PLIN1: variants seen among roughly 807,000 people sequenced by gnomAD.
PLIN1 encodes the protein perilipin-1.
In PLIN1, 37 loss-of-function variants were observed where a neutral mutation model predicts 45.8. That is an observed-to-expected ratio of 0.81 (90% CI 0.62 to 1.06). The LOEUF (loss-of-function observed/expected upper bound fraction) is 1.06, where lower values mean the gene tolerates loss of function less well. Ranked by LOEUF, PLIN1 falls within the 50% of genes least tolerant of loss-of-function variation. PLIN1 has a pLI of 0.00. For missense variants in PLIN1, 776 were observed against 716.5 expected, an observed-to-expected ratio of 1.08 and a Z score of -0.95; for synonymous variants, 340 against 309.2, an observed-to-expected ratio of 1.10 and a Z score of -1.05.
chr15:89,676,076 C>A (rs963558530), intron 2 of PLIN1, among the ~76,000 whole-genome samples: 2 of 152,116 alleles, frequency 1.3e-5, no homozygotes, highest in Middle Eastern at 3.4e-3. Flanking sequence ...GGTCAGATTC[C>A]GATGCTCAGG....
Position 89,665,030 on chromosome 15 carries a change from A to G in PLIN1, c.*553T>C, listed in dbSNP as rs914036292. 1.4e-5 allele frequency: 6 copies of G among 429,918 alleles called. No individual in the cohort carries two copies. The highest frequency in any genetic ancestry group is 5.0e-5 in the South Asian group (3 of 59,908). 26.6% of individuals were successfully genotyped at this position (429,918 alleles called of 1,614,324 possible). A position where few individuals can be genotyped will look rare whatever the true frequency, so the allele number is the denominator to read the frequency against. On this transcript the variant is annotated 3_prime_UTR_variant, in exon 9 of 9. Coordinates refer to ENST00000300055, the MANE Select transcript of PLIN1 (RefSeq NM_002666.5). ...CACTAGTATTTTAAATAAACACCCA[A>G]GAGCTTTTGCATCTGATTGTTCCCT...
Position 89,670,182 on chromosome 15 carries a change from G to T in PLIN1, c.396C>A (p.Ser132Arg). Residue 132 changes from serine (S) to arginine (R), a missense_variant, in exon 5 of 9, where the codon AGC becomes AGA. Physicochemically the swap from Ser to Arg is moderately radical, Grantham distance 110 (BLOSUM62 -1). Transcript: ENST00000300055. ...TRLRSARNSI[S>R]VPIASTSDKV... is the part of the protein sequence containing the mutation. ...TGTCTGAAGTGCTCGCGATGGGAAC[G>T]CTGATGCTGTTTCTGGCACTGCGGA... The T allele has an allele frequency of 6.2e-7, 1 of 1,613,992 alleles. No homozygotes were observed. The highest frequency in any genetic ancestry group is 8.5e-7 in the Non-Finnish European group (1 of 1,179,956).
At chr15:89,674,411 C>T (rs529302821) in intron 2 of PLIN1, among the ~76,000 whole-genome samples, 14 of 152,156 alleles carry the variant, frequency 9.2e-5, no homozygotes, top group Non-Finnish European at 2.1e-4. Flanking sequence ...CCTGTGACAC[C>T]ATGCCTTGCT....
intron 6 of PLIN1, 126 bp downstream of exon 6, chr15:89,669,374 C>T: frequency 1.2e-6 from 1 of 861,850 alleles, no homozygotes; most frequent in Non-Finnish European, 1.9e-6. Flanking sequence ...ACTGAAGCCC[C>T]AGCCCACGTT....
intron 2 of PLIN1, among the ~76,000 whole-genome samples, chr15:89,675,938 G>A (rs1483461939): frequency 6.6e-6 from 1 of 152,108 alleles, no homozygotes; most frequent in Non-Finnish European, 1.5e-5. Flanking sequence ...GGACGAGGCG[G>A]GATTGGCCAC....
Position 89,669,582 on chromosome 15 carries a change from G to C in PLIN1, c.689C>G (p.Ser230Cys). 6.2e-7 allele frequency: 1 copy of C among 1,614,098 alleles called. No individual in the cohort carries two copies. The highest frequency in any genetic ancestry group is 1.3e-5 in the African/African-American group (1 of 75,050). Residue 230 changes from serine to cysteine, a missense_variant, in exon 6 of 9, where the codon TCT (serine) becomes TGT (cysteine). Coordinates refer to ENST00000300055, the MANE Select transcript of PLIN1 (RefSeq NM_002666.5). Reference protein sequence around the residue: ...SRVGALTNTLSRYTVQTMARA... With the variant: ...SRVGALTNTLCRYTVQTMARA... ...GGCCATGGTCTGCACGGTGTATCGA[G>C]AGAGGGTGTTGGTCAGAGCCCCAAC...
chr15:89,675,341 T>C (rs1412274529), intron 2 of PLIN1, among the ~76,000 whole-genome samples: 1 of 145,356 alleles, frequency 6.9e-6, no homozygotes, highest in Non-Finnish European at 1.5e-5. Context: ...GTGTAGAAGC[T>C]CATGCCTGTA....
chr15:89,664,891 GCAGGTGA>G lies in PLIN1; in HGVS notation c.*685_*691del, dbSNP rs1241388936. On this transcript the variant is annotated 3_prime_UTR_variant, in exon 9 of 9. Transcript: ENST00000300055. ...TCCCCAGCATCAAAAGAGTGACTAT[GCAGGTGA>G]AGGCAGTAATGATGCAAATGGAAAT... The G allele has an allele frequency of 6.6e-6, 3 of 455,950 alleles. No individual in the cohort carries two copies. Among genetic ancestry groups the G allele is most frequent in the African/African-American group, 6.0e-5 (3 of 50,082 alleles). 28.2% of individuals were successfully genotyped at this position (455,950 alleles called of 1,614,324 possible).
intron 1 of PLIN1, among the ~76,000 whole-genome samples, chr15:89,678,254 A>C (rs1179317897): frequency 6.6e-6 from 1 of 151,874 alleles, no homozygotes; most frequent in Non-Finnish European, 1.5e-5. Flanking sequence ...TCAGGCCTGT[A>C]ATCCCGGCAC....
intron 8 of PLIN1, among the ~76,000 whole-genome samples, chr15:89,666,614 C>T (rs769598713): frequency 2.0e-5 from 3 of 152,334 alleles, no homozygotes; most frequent in East Asian, 3.9e-4. Flanking sequence ...CATGCAAACC[C>T]GCCCAGCCCT....
chr15:89,670,498 C>T (rs535389850), intron 4 of PLIN1, among the ~76,000 whole-genome samples: 1 of 152,310 alleles, frequency 6.6e-6, no homozygotes, highest in South Asian at 2.1e-4. Flanking sequence ...CCCTCCCATC[C>T]TGTGAGGATG....
intron 4 of PLIN1, 107 bp from the exon 5 acceptor site, chr15:89,670,351 T>A: frequency 8.4e-7 from 1 of 1,184,400 alleles, no homozygotes; most frequent in Non-Finnish European, 1.2e-6. Context: ...AGGCATCACC[T>A]AAAGGCCCAG....
Position 89,669,967 on chromosome 15 carries a change from G to A in PLIN1, c.598+13C>T, listed in dbSNP as rs772376533. On this transcript the variant is annotated intron_variant, in intron 5 of 8. Coordinates refer to ENST00000300055, the MANE Select transcript of PLIN1 (RefSeq NM_002666.5). ...CAACTCACTCCCAGGCCGAGCCTCC[G>A]AATGGCAGGTACCTGACTCTTCCTT... The A allele has an allele frequency of 1.6e-5, 25 of 1,606,810 alleles. No homozygotes were observed. Among genetic ancestry groups the A allele is most frequent in the South Asian group, 3.3e-5 (3 of 90,268 alleles).
chr15:89,668,975 G>A (rs1171829817), intron 6 of PLIN1, among the ~76,000 whole-genome samples: 1 of 152,146 alleles, frequency 6.6e-6, no homozygotes, highest in Non-Finnish European at 1.5e-5. Context: ...CAGAGAGGTG[G>A]AGGTGGGGAG....
Position 89,665,765 on chromosome 15 carries a change from CG to C in PLIN1, c.1386del (p.Gly463AlafsTer78), listed in dbSNP as rs1567074911. 2 of 1,273,754 alleles carry C rather than the reference CG, an allele frequency of 1.6e-6. No individual in the cohort carries two copies. Among genetic ancestry groups the C allele is most frequent in the South Asian group, 2.7e-5 (1 of 37,386 alleles). The allele number at this position is 1,273,754 out of a possible 1,614,324, so 78.9% of individuals were successfully genotyped here. On this transcript the variant is annotated frameshift_variant, in exon 9 of 9. Transcript: ENST00000300055. LOFTEE classifies it high-confidence loss of function. ...PRRSLRSAQS[P>X]GAPPGPGLED... ...TCCAGGCCCGGGCCGGGGGGCGCGC[CG>C]GGGCTCTGCGCGCTGCGCAGGCTGC...
intron 3 of PLIN1, 25 bp downstream of exon 3, chr15:89,673,185 G>A (rs1439440074): frequency 6.6e-7 from 1 of 1,516,440 alleles, no homozygotes; most frequent in East Asian, 2.4e-5. Flanking sequence ...CAAGCAGGCA[G>A]CTGCTGAGCG....
At chr15:89,670,389 G>A (rs1341031068) in intron 4 of PLIN1, 145 bp from the exon 5 acceptor site, 2 of 826,640 alleles carry the variant, frequency 2.4e-6, no homozygotes, top group African/African-American at 3.4e-5. Context: ...TTAGGTACCT[G>A]GAATTAAGCT....
chr15:89,667,567 C>T, intron 7 of PLIN1, 35 bp downstream of exon 7: 1 of 1,614,154 alleles, frequency 6.2e-7, no homozygotes, highest in Non-Finnish European at 8.5e-7. Flanking sequence ...CTTCTGTGGG[C>T]TGGGGGACCT....
chr15:89,677,814 A>G (rs867137775), intron 1 of PLIN1: 22 of 303,684 alleles, frequency 7.2e-5, no homozygotes, highest in Admixed American at 5.7e-4. Context: ...GTAGTTGCAC[A>G]ATCTCGGCTC....
Sources: gnomAD v4.1 joint callset for allele counts (sites outside exome capture counted in the v4.1 genomes callset) on GRCh38, gnomAD v4.1.1 for gene constraint, MANE v1.5 for transcripts, NCBI Gene and HGNC (gene_info 2026-07-23, HGNC 2026-07-21) for gene names.